DDX60: variants seen among roughly 807,000 people sequenced by gnomAD.
The protein encoded by DDX60 is DExD/H-box helicase 60.
A neutral mutation model predicts 212.8 loss-of-function variants in DDX60; 165 were observed. That is an observed-to-expected ratio of 0.78 (90% CI 0.68 to 0.88). The LOEUF (loss-of-function observed/expected upper bound fraction) is 0.88. Among genes scored for constraint, DDX60 ranks in the 40% least tolerant of loss-of-function variants. DDX60 has a pLI of 0.00. For missense variants in DDX60, 1,905 were observed against 2,003.9 expected (o/e 0.95, Z 0.94); for synonymous variants, 703 against 685.3 (o/e 1.03, Z -0.40).
At chr4:168,249,988 AAGTC>A (rs1459321319) in intron 28 of DDX60, among the ~76,000 whole-genome samples, 1 of 152,188 alleles carries the variant, frequency 6.6e-6, no homozygotes, top group African/African-American at 2.4e-5. Flanking sequence ...TAATTTTTAA[AAGTC>A]AGTCTATTTT....
At chr4:168,273,549 A>G (rs1024831664) in intron 17 of DDX60, 151 bp from the exon 18 acceptor site, 9 of 841,822 alleles carry the variant, frequency 1.1e-5, no homozygotes, top group Admixed American at 9.2e-5. Flanking sequence ...ACACACTAAC[A>G]TATTCTCTTT....
At chr4:168,324,193 C>A in the DDX60 span, among the ~76,000 whole-genome samples, 5 of 152,248 alleles carry the variant, frequency 3.3e-5, no homozygotes, top group East Asian at 7.7e-4. Context: ...CTTCCATGAC[C>A]AAAGCATAAT....
intron 26 of DDX60, among the ~76,000 whole-genome samples, chr4:168,253,900 T>C (rs1000325793): frequency 6.6e-6 from 1 of 152,222 alleles, no homozygotes; most frequent in South Asian, 2.1e-4. Flanking sequence ...TTATTTGATT[T>C]TTTAAATTTT....
At position 168,225,676 on chromosome 4, in the gene DDX60, C is replaced by T; in HGVS notation, c.4534G>A (p.Val1512Met). 6.2e-7 allele frequency: 1 copy of T among 1,607,680 alleles called. No homozygotes were observed. The highest frequency in any genetic ancestry group is 8.5e-7 in the Non-Finnish European group (1 of 1,177,912). The change falls in exon 34 of 38, where the codon GTG (valine) becomes ATG (methionine). Residue 1512 changes from valine to methionine, a missense_variant and splice_region_variant. Transcript: ENST00000393743. ...TCCTCAGGGAGATCATCAAGGAACA[C>T]CTAGAAGCCGAATAATTTTCATAGA... ...DAHFEFYQSKVFLDDLPEDFS... is the reference protein window; with the variant it reads ...DAHFEFYQSKMFLDDLPEDFS...
chr4:168,318,865 A>G, upstream of DDX60: 1 of 152,228 alleles, frequency 6.6e-6, no homozygotes, highest in African/African-American at 2.4e-5. Flanking sequence ...TAGGCGAGGC[A>G]CTTTCGTGGA....
chr4:168,253,862 T>A (rs1734309493), intron 26 of DDX60, among the ~76,000 whole-genome samples: 1 of 152,198 alleles, frequency 6.6e-6, no homozygotes. Flanking sequence ...CACCCCTCAA[T>A]GTAACATGCA....
At position 168,264,384 on chromosome 4, in the gene DDX60, C is replaced by T. The variant is rs536005765; in HGVS notation, c.3040-1597G>A. 3.9e-5 allele frequency among the ~76,000 whole-genome samples: 6 copies of T among 152,242 alleles called. No individual in the cohort carries two copies. The South Asian group carries it at 1.2e-3, about 32-fold the overall frequency. On this transcript the variant is annotated intron_variant, in intron 22 of 37. Transcript: ENST00000393743. ...CTAAGGACTATATTATATCAACATA[C>T]TAAATAAAACAAAACACCTATTATT...
In DDX60 at chr4:168,280,588, C is replaced by T. The variant is rs1359207192; in HGVS notation, c.1725G>A (p.Glu575=). The change falls in exon 14 of 38, where the codon GAG becomes GAA. Residue 575 remains glutamate (E), a splice_region_variant and synonymous_variant. Coordinates refer to ENST00000393743, the MANE Select transcript of DDX60 (RefSeq NM_017631.6). ...FSGPKSKKAH[E]TKAEIIAREN... Reference sequence around the variant, plus strand: ...CTCTAGCAATTATTTCAGCCTTGGTCTCCTGCCCCAAAGGAAAAAACATCT... The same window carrying T: ...CTCTAGCAATTATTTCAGCCTTGGTTTCCTGCCCCAAAGGAAAAAACATCT... The T allele has an allele frequency of 6.2e-7, 1 of 1,603,776 alleles. No homozygotes were observed. The highest frequency in any genetic ancestry group is 1.4e-5 in the African/African-American group (1 of 74,070).
In DDX60 at chr4:168,272,156, G is replaced by A; in HGVS notation, c.2575-18C>T. The A allele has an allele frequency of 6.5e-7, 1 of 1,547,352 alleles. No individual in the cohort carries two copies. The highest frequency in any genetic ancestry group is 1.2e-5 in the South Asian group (1 of 84,364). Reference sequence around the variant, plus strand: ...ATAAGTACCTACAAAGAATAATATTGTGTGAAGTAACATTTTGAGCACTTA... The same window carrying A: ...ATAAGTACCTACAAAGAATAATATTATGTGAAGTAACATTTTGAGCACTTA... On this transcript the variant is annotated intron_variant, in intron 18 of 37. Coordinates refer to ENST00000393743, the MANE Select transcript of DDX60 (RefSeq NM_017631.6).
At chr4:168,297,300 AAG>A (rs1185943533) in intron 6 of DDX60, among the ~76,000 whole-genome samples, 1 of 6,662 alleles carries the variant, frequency 1.5e-4, no homozygotes, top group Non-Finnish European at 2.4e-4. Context: ...AGAGAGACGA[AAG>A]AAAGAAAGAA....
chr4:168,238,414 AGAGGGGAGGG>A (rs1733710496), intron 30 of DDX60, among the ~76,000 whole-genome samples: 2 of 63,402 alleles, frequency 3.2e-5, no homozygotes, highest in African/African-American at 1.4e-4. Flanking sequence ...GGAGGGGAGG[AGAGGGGAGGG>A]AAGGGAAGGG....
chr4:168,248,340 A>C (rs1224601514), intron 28 of DDX60, 48 bp from the exon 29 acceptor site: 1 of 1,376,944 alleles, frequency 7.3e-7, no homozygotes, highest in Non-Finnish European at 1.0e-6. Context: ...ATTTTAATAG[A>C]ATGCAAGTAT....
At position 168,260,898 on chromosome 4, in the gene DDX60, C is replaced by G. The variant is rs200202660; in HGVS notation, c.3365G>C (p.Arg1122Thr). 5.6e-6 allele frequency: 9 copies of G among 1,608,500 alleles called. No homozygotes were observed. In the African/African-American group the frequency reaches 1.1e-4, roughly 19 times the overall value. ...TMFPLLVEKL[R>T]KMEKLPALFF... ...TAGTGCAGGTAACTTCTCCATTTTCCTTAGTTTTTCAACTAGAAGTGGAAA... is the reference window on the plus strand; with the variant it reads ...TAGTGCAGGTAACTTCTCCATTTTCGTTAGTTTTTCAACTAGAAGTGGAAA... Residue 1122 changes from arginine to threonine, a missense_variant, in exon 25 of 38, where the codon AGG becomes ACG. Arg to Thr is a moderately conservative substitution (Grantham distance 71). Coordinates refer to ENST00000393743, the MANE Select transcript of DDX60 (RefSeq NM_017631.6).
At chr4:168,230,991 T>C (rs1052629611) in intron 33 of DDX60, among the ~76,000 whole-genome samples, 1 of 151,784 alleles carries the variant, frequency 6.6e-6, no homozygotes, top group Non-Finnish European at 1.5e-5. Context: ...CAAATAAGTT[T>C]CATCCAAAGA....
intron 1 of DDX60, among the ~76,000 whole-genome samples, chr4:168,317,897 C>T (rs1295528080): frequency 3.3e-5 from 5 of 152,150 alleles, no homozygotes; most frequent in Admixed American, 3.3e-4. Flanking sequence ...CCTTTAGCTG[C>T]AAGAAACTGA....
At chr4:168,281,872 G>T (rs947446840) in intron 13 of DDX60, among the ~76,000 whole-genome samples, 1 of 151,934 alleles carries the variant, frequency 6.6e-6, no homozygotes, top group Non-Finnish European at 1.5e-5. Flanking sequence ...TGCTGTGTTG[G>T]GCCAATTTAG....
chr4:168,318,031 C>T (rs955203249), intron 1 of DDX60, among the ~76,000 whole-genome samples: 1 of 152,176 alleles, frequency 6.6e-6, no homozygotes, highest in African/African-American at 2.4e-5. Context: ...GGCTTCTGAT[C>T]CACAGCAATT....
At position 168,262,738 on chromosome 4, in the gene DDX60, C is replaced by T; in HGVS notation, c.3089G>A (p.Ser1030Asn). The part of the protein sequence containing the change: ...PPDLTLSPRE[S>N]IQLYDAMFQI... ...AAACATGGCATCATACAGCTGGATG[C>T]TTTCTCGAGGTGAAAGGGTAAGATC... Residue 1030 changes from serine (S) to asparagine (N), a missense_variant, in exon 23 of 38, where the codon AGC (serine) becomes AAC (asparagine). Physicochemically the swap from Ser to Asn is conservative, Grantham distance 46. Coordinates refer to ENST00000393743, the MANE Select transcript of DDX60 (RefSeq NM_017631.6). The T allele has an allele frequency of 6.2e-7, 1 of 1,612,564 alleles. No homozygotes were observed. Among genetic ancestry groups the T allele is most frequent in the Non-Finnish European group, 8.5e-7 (1 of 1,179,186 alleles).
chr4:168,228,516 T>C (rs1733336262), intron 33 of DDX60, among the ~76,000 whole-genome samples: 1 of 152,040 alleles, frequency 6.6e-6, no homozygotes, highest in Non-Finnish European at 1.5e-5. Flanking sequence ...GTGCACACTA[T>C]TTTACTAGTC....
Sources: gnomAD v4.1 joint callset for allele counts (sites outside exome capture counted in the v4.1 genomes callset) on GRCh38, gnomAD v4.1.1 for gene constraint, MANE v1.5 for transcripts, NCBI Gene and HGNC (gene_info 2026-07-23, HGNC 2026-07-21) for gene names.